Variants in KIF1B observed in about 807,000 individuals in gnomAD.
KIF1B encodes the protein kinesin family member 1B.
In KIF1B, 76 loss-of-function variants were observed where a neutral mutation model predicts 241.9. The ratio of observed to expected loss-of-function variants is 0.31; its 90% CI spans 0.26 to 0.38. The LOEUF (loss-of-function observed/expected upper bound fraction) is 0.38. Among genes scored for constraint, KIF1B ranks in the 10% least tolerant of loss-of-function variants. KIF1B has a pLI of 1.00. For missense variants in KIF1B, 1,622 were observed against 2,271.4 expected, an observed-to-expected ratio of 0.71 and a Z score of 5.81; for synonymous variants, 750 against 796.7, an observed-to-expected ratio of 0.94 and a Z score of 0.99.
intron 31 of KIF1B, 137 bp from the exon 32 acceptor site, chr1:10,339,632 C>A: frequency 2.6e-6 from 2 of 757,996 alleles, no homozygotes; most frequent in South Asian, 1.6e-5. Context: ...AGGTTCTTGA[C>A]AAGGAAAGTA....
intron 7 of KIF1B, among the ~76,000 whole-genome samples, chr1:10,270,478 A>G (rs1448988949): frequency 3.3e-5 from 5 of 152,202 alleles, no homozygotes; most frequent in African/African-American, 9.7e-5. Context: ...TATTAATTCA[A>G]CTGTTGATGG....
intron 27 of KIF1B, among the ~76,000 whole-genome samples, chr1:10,332,636 C>T (rs1389436846): frequency 6.7e-6 from 1 of 148,462 alleles, no homozygotes. Context: ...CTGCCTCAGC[C>T]TCCCGAGTAG....
chr1:10,212,890 G>GTGTATATA (rs1284149177), intron 1 of KIF1B, among the ~76,000 whole-genome samples: 1 of 109,496 alleles, frequency 9.1e-6, no homozygotes, highest in Non-Finnish European at 1.8e-5. Context: ...ATGCGTGTGT[G>GTGTATATA]TATATATATA....
intron 22 of KIF1B, among the ~76,000 whole-genome samples, chr1:10,315,427 C>T (rs990781973): frequency 6.6e-6 from 1 of 150,974 alleles, no homozygotes; most frequent in African/African-American, 2.5e-5. Flanking sequence ...CTGCCTGCCT[C>T]GGCCTCCCAA....
chr1:10,333,568 G>T (rs11121541), intron 27 of KIF1B, among the ~76,000 whole-genome samples: 80,571 of 151,304 alleles, frequency 0.53, 22,111 homozygotes, highest in African/African-American at 0.67. Context: ...GGCGGGCGCC[G>T]ATAGTCCCAG....
intron 22 of KIF1B, chr1:10,307,050 A>G (rs1016426242): frequency 1.4e-4 from 146 of 1,038,956 alleles, no homozygotes; most frequent in African/African-American, 6.0e-4. Flanking sequence ...TTTGTGCTTC[A>G]TCTGTTAATC....
intron 39 of KIF1B, 115 bp from the exon 40 acceptor site, chr1:10,361,577 G>A (rs942685351): frequency 2.2e-5 from 28 of 1,253,740 alleles, no homozygotes; most frequent in Non-Finnish European, 3.1e-5. Flanking sequence ...AATTGGTGGA[G>A]CTAAAATCCT....
intron 22 of KIF1B, chr1:10,305,437 A>G: frequency 9.5e-7 from 1 of 1,057,810 alleles, no homozygotes; most frequent in Non-Finnish European, 1.1e-6. Context: ...TGAACTATTC[A>G]CCAAAATCAT....
Position 10,324,903 on chromosome 1 carries a change from A to G in KIF1B, c.2675+8A>G. ...GTTCAAACTTGTGGGGAGGTATGTG[A>G]TGATTTTGTTGATGTCTTCTTTTAA... On this transcript the variant is annotated splice_region_variant and intron_variant, in intron 26 of 48. Transcript: ENST00000676179. 1 of 1,613,964 alleles carries G rather than the reference A, an allele frequency of 6.2e-7. No individual in the cohort carries two copies. The highest frequency in any genetic ancestry group is 1.1e-5 in the South Asian group (1 of 91,074).
At chr1:10,240,135 C>T (rs1216767695) in intron 2 of KIF1B, among the ~76,000 whole-genome samples, 1 of 152,160 alleles carries the variant, frequency 6.6e-6, no homozygotes, top group Non-Finnish European at 1.5e-5. Context: ...AACTCCTGAC[C>T]TCGTGATCCG....
intron 4 of KIF1B, among the ~76,000 whole-genome samples, chr1:10,259,828 C>G (rs1220512668): frequency 6.6e-6 from 1 of 151,760 alleles, no homozygotes; most frequent in African/African-American, 2.4e-5. Flanking sequence ...GAGACAGGGT[C>G]TCACCATGTT....
At position 10,345,910 on chromosome 1, in the gene KIF1B, C is replaced by G; in HGVS notation, c.3754C>G (p.Leu1252Val). 1 of 1,614,126 alleles carries G rather than the reference C, an allele frequency of 6.2e-7. No homozygotes were observed. The highest frequency in any genetic ancestry group is 8.5e-7 in the Non-Finnish European group (1 of 1,179,968). ...SLGQSMSKYD[L>V]LVWFEISELE... ...TGGCCAGAGCATGAGCAAGTATGAC[C>G]TCCTGGTTTGGTTTGAGATCAGTGA... Residue 1252 changes from leucine to valine, a missense_variant, in exon 35 of 49, where the codon CTC (leucine) becomes GTC (valine). Around this residue, in one of 7 missense-constraint regions of KIF1B, gnomAD observed 803 missense variants for 1,112.0 expected, o/e 0.72. Transcript: ENST00000676179.
chr1:10,283,206 CAAAA>C (rs33994771), intron 15 of KIF1B, among the ~76,000 whole-genome samples: 1 of 61,574 alleles, frequency 1.6e-5, no homozygotes, highest in African/African-American at 5.7e-5. Context: ...GACTCCGTCT[CAAAA>C]AAAAAAAAAA....
intron 10 of KIF1B, among the ~76,000 whole-genome samples, chr1:10,273,709 C>CAAAAAAAAAAAAAAAAAAAA (rs56349613): frequency 2.0e-5 from 1 of 49,578 alleles, no homozygotes; most frequent in African/African-American, 7.9e-5. Flanking sequence ...TCCTCCTCCT[C>CAAAAAAAAAAAAAAAAAAAA]AAAAAAAAAA....
At chr1:10,276,469 A>G (rs1175180940) in intron 12 of KIF1B, 70 bp downstream of exon 12, 17 of 989,644 alleles carry the variant, frequency 1.7e-5, no homozygotes, top group Middle Eastern at 4.1e-4. Flanking sequence ...GATACCATGG[A>G]TGTTTTTATG....
intron 43 of KIF1B, among the ~76,000 whole-genome samples, chr1:10,367,235 A>G (rs1638600958): frequency 6.6e-6 from 1 of 151,326 alleles, no homozygotes; most frequent in Admixed American, 6.6e-5. Flanking sequence ...AGCTTGGAGT[A>G]CAGGCATGTG....
intron 22 of KIF1B, among the ~76,000 whole-genome samples, chr1:10,317,677 A>G (rs762087517): frequency 3.3e-5 from 5 of 151,252 alleles, no homozygotes; most frequent in Admixed American, 6.6e-5. Context: ...TAAAAATACA[A>G]AAAATTAGCC....
intron 15 of KIF1B, among the ~76,000 whole-genome samples, chr1:10,290,523 T>C (rs7524693): frequency 0.34 from 50,990 of 151,408 alleles, 8,741 homozygotes; most frequent in Admixed American, 0.38. Context: ...GCTCTGTTGC[T>C]CAGGCTGCAG....
At chr1:10,247,934 A>C (rs1168441712) in intron 2 of KIF1B, among the ~76,000 whole-genome samples, 1 of 152,142 alleles carries the variant, frequency 6.6e-6, no homozygotes, top group African/African-American at 2.4e-5. Context: ...TAGATCCCTC[A>C]CATGTGCAGT....
Sources: gnomAD v4.1 joint callset for allele counts (sites outside exome capture counted in the v4.1 genomes callset) on GRCh38, gnomAD v4.1.1 for gene constraint, gnomAD v4.1.1 regional missense constraint, MANE v1.5 for transcripts, NCBI Gene and HGNC (gene_info 2026-07-23, HGNC 2026-07-21) for gene names.